Variants in ANO4 observed in about 807,000 individuals in gnomAD.
ANO4 encodes anoctamin-4.
In ANO4, 69 loss-of-function variants were observed where a neutral mutation model predicts 141.9. That is an observed-to-expected ratio of 0.49 (90% CI 0.40 to 0.59). ANO4 has a LOEUF of 0.59. Among genes scored for constraint, ANO4 ranks in the 20% least tolerant of loss-of-function variants. ANO4 has a pLI of 0.00. For missense variants in ANO4, 894 were observed against 1,162.2 expected (o/e 0.77, Z 3.36); for synonymous variants, 350 against 394.3 (o/e 0.89, Z 1.33).
chr12:100,939,859 G>C (rs551572054), intron 4 of ANO4, among the ~76,000 whole-genome samples: 1 of 152,186 alleles, frequency 6.6e-6, no homozygotes, highest in East Asian at 1.9e-4. Context: ...GTTTCCATTT[G>C]CCTCTGTAAT....
chr12:101,127,319 G>A lies in ANO4; in HGVS notation c.*4+245G>A, dbSNP rs573423136. 2.7e-4 allele frequency among the ~76,000 whole-genome samples: 41 copies of A among 152,310 alleles called. 1 individual carries two copies. In the South Asian group the frequency reaches 8.1e-3, roughly 30 times the overall value. On this transcript the variant is annotated intron_variant, in intron 27 of 27. Coordinates refer to ENST00000392977, the MANE Select transcript of ANO4 (RefSeq NM_001286615.2). ...TGCCAGACTCTGGCCTATCAGTCAA[G>A]GTCTTCATGAATTGGCCTAGGAGTT...
intron 3 of ANO4, among the ~76,000 whole-genome samples, chr12:100,751,976 A>G (rs1240743389): frequency 6.6e-6 from 1 of 152,196 alleles, no homozygotes; most frequent in Non-Finnish European, 1.5e-5. Context: ...TTGTCTTCTC[A>G]GCTTTGTGAC....
chr12:101,016,940 A>C (rs537125908), intron 8 of ANO4, among the ~76,000 whole-genome samples: 76 of 152,332 alleles, frequency 5.0e-4, no homozygotes, highest in African/African-American at 1.7e-3. Flanking sequence ...AGGTGGCACT[A>C]CTGGAGTATA....
At chr12:100,945,172 C>T (rs1217201869) in intron 5 of ANO4, among the ~76,000 whole-genome samples, 2 of 152,194 alleles carry the variant, frequency 1.3e-5, no homozygotes, top group Non-Finnish European at 2.9e-5. Flanking sequence ...ACATGTTTCA[C>T]AGACAGATGC....
intron 13 of ANO4, chr12:101,047,985 A>T (rs1238976810): frequency 3.0e-6 from 3 of 1,006,786 alleles, no homozygotes; most frequent in Admixed American, 1.2e-4. Context: ...TTAAAGCAGC[A>T]CTAACAATAC....
chr12:100,989,203 A>G (rs1449140972), intron 8 of ANO4, among the ~76,000 whole-genome samples: 2 of 152,198 alleles, frequency 1.3e-5, no homozygotes, highest in Non-Finnish European at 2.9e-5. Flanking sequence ...CATGGAATTC[A>G]CAGACTGGCC....
chr12:101,074,386 G>A (rs2048943992), intron 14 of ANO4, among the ~76,000 whole-genome samples: 1 of 152,108 alleles, frequency 6.6e-6, no homozygotes, highest in African/African-American at 2.4e-5. Context: ...AGGGGAAAGT[G>A]GATACGGAAA....
chr12:101,011,958 ACC>A (rs2046113402), intron 8 of ANO4, among the ~76,000 whole-genome samples: 1 of 152,058 alleles, frequency 6.6e-6, no homozygotes, highest in South Asian at 2.1e-4. Context: ...TGTTTGACCC[ACC>A]TCAGAAATTT....
chr12:100,723,285 T>G (rs11110492), intron 1 of ANO4, among the ~76,000 whole-genome samples: 19,676 of 152,174 alleles, frequency 0.13, 1,410 homozygotes, highest in East Asian at 0.25. Context: ...CTGGGTGGCT[T>G]AAACAACAGA....
At chr12:100,970,665 C>A (rs911411210) in intron 5 of ANO4, among the ~76,000 whole-genome samples, 1 of 25,612 alleles carries the variant, frequency 3.9e-5, no homozygotes. Context: ...CCCTCCCTCT[C>A]CTTCCTTCCT....
intron 2 of ANO4, among the ~76,000 whole-genome samples, chr12:100,735,604 A>G (rs1009381013): frequency 5.3e-5 from 8 of 152,132 alleles, no homozygotes; most frequent in East Asian, 1.9e-4. Context: ...ACAGAAATCA[A>G]CTAGGGAGGT....
At chr12:101,003,865 G>A (rs919656458) in intron 8 of ANO4, among the ~76,000 whole-genome samples, 4 of 152,082 alleles carry the variant, frequency 2.6e-5, no homozygotes, top group African/African-American at 9.7e-5. Context: ...TTCCATGCAA[G>A]TTAACAAAGA....
At chr12:101,108,663 G>A (rs1246214863) in intron 22 of ANO4, among the ~76,000 whole-genome samples, 3 of 152,092 alleles carry the variant, frequency 2.0e-5, no homozygotes, top group Non-Finnish European at 1.5e-5. Flanking sequence ...AGTCATATAT[G>A]TATATATACA....
chr12:101,095,139 C>T (rs888485159), intron 18 of ANO4, among the ~76,000 whole-genome samples: 29 of 152,144 alleles, frequency 1.9e-4, no homozygotes, highest in Admixed American at 1.6e-3. Context: ...GGAGAAAAAA[C>T]TCACAAAAGT....
intron 1 of ANO4, among the ~76,000 whole-genome samples, chr12:100,871,183 C>T (rs885353): frequency 0.013 from 1,911 of 152,212 alleles, 15 homozygotes; most frequent in Middle Eastern, 0.024. Flanking sequence ...GAAAGAAGGT[C>T]ATTTATCATG....
chr12:101,113,605 T>A (rs890858098), intron 24 of ANO4, among the ~76,000 whole-genome samples: 2 of 152,238 alleles, frequency 1.3e-5, no homozygotes, highest in Non-Finnish European at 2.9e-5. Flanking sequence ...TGAATCTTAT[T>A]TTCTGCCTCA....
chr12:100,970,777 G>A (rs1369535759), intron 5 of ANO4, among the ~76,000 whole-genome samples: 1 of 149,932 alleles, frequency 6.7e-6, no homozygotes, highest in Non-Finnish European at 1.5e-5. Flanking sequence ...AGAGTGCAGT[G>A]GCACAATCTC....
At chr12:100,838,179 G>A (rs1241070649) in intron 1 of ANO4, among the ~76,000 whole-genome samples, 1 of 141,102 alleles carries the variant, frequency 7.1e-6, no homozygotes, top group African/African-American at 2.6e-5. Context: ...GCAGTGAGCC[G>A]AGATCGCTTC....
At chr12:100,988,685 A>C (rs1313352649) in intron 8 of ANO4, among the ~76,000 whole-genome samples, 1 of 151,984 alleles carries the variant, frequency 6.6e-6, no homozygotes, top group East Asian at 1.9e-4. Context: ...AGCCTGACCA[A>C]CATGGTGAAA....
Sources: gnomAD v4.1 joint callset for allele counts (sites outside exome capture counted in the v4.1 genomes callset) on GRCh38, gnomAD v4.1.1 for gene constraint, MANE v1.5 for transcripts, NCBI Gene and HGNC (gene_info 2026-07-23, HGNC 2026-07-21) for gene names.